Variants in TSPAN5 observed in about 807,000 individuals in gnomAD.
TSPAN5 encodes the protein tetraspanin 5, also known as tetraspanin-5.
TSPAN5 carries 10 observed loss-of-function variants against 37.1 expected under a neutral mutation model. That is an observed-to-expected ratio of 0.27 (90% confidence interval 0.17 to 0.46). The LOEUF is 0.46. Ranked by LOEUF, TSPAN5 falls within the 20% of genes least tolerant of loss-of-function variation. TSPAN5 has a pLI of 1.00. For missense variants in TSPAN5, 195 were observed against 326.6 expected, an observed-to-expected ratio of 0.60 and a Z score of 3.11; for synonymous variants, 110 against 118.9, an observed-to-expected ratio of 0.93 and a Z score of 0.48.
At chr4:98,487,170 G>A (rs559015490) in intron 2 of TSPAN5, among the ~76,000 whole-genome samples, 3 of 150,372 alleles carry the variant, frequency 2.0e-5, no homozygotes, top group African/African-American at 7.3e-5. Context: ...TGGAGGGAAG[G>A]AGGGAGGGAA....
At chr4:98,523,578 G>T (rs867094624) in intron 1 of TSPAN5, among the ~76,000 whole-genome samples, 2 of 152,196 alleles carry the variant, frequency 1.3e-5, no homozygotes, top group Middle Eastern at 6.8e-3. Context: ...GGGATTACAG[G>T]TGTGCACCAC....
chr4:98,551,192 A>G (rs1754606619), intron 1 of TSPAN5, among the ~76,000 whole-genome samples: 1 of 152,134 alleles, frequency 6.6e-6, no homozygotes, highest in African/African-American at 2.4e-5. Flanking sequence ...CTTCATTTGC[A>G]CATGTTGAAT....
intron 1 of TSPAN5, among the ~76,000 whole-genome samples, chr4:98,632,305 T>C (rs1043897757): frequency 6.6e-6 from 1 of 152,036 alleles, no homozygotes; most frequent in Non-Finnish European, 1.5e-5. Context: ...GAAGATAAAT[T>C]ATCTTCAGCC....
At chr4:98,607,542 T>A (rs1454192962) in intron 1 of TSPAN5, among the ~76,000 whole-genome samples, 12 of 152,192 alleles carry the variant, frequency 7.9e-5, no homozygotes. Flanking sequence ...GCCTAAGTTA[T>A]TTGGCATGAT....
At chr4:98,632,623 C>T (rs979692801) in intron 1 of TSPAN5, among the ~76,000 whole-genome samples, 1 of 152,184 alleles carries the variant, frequency 6.6e-6, no homozygotes, top group African/African-American at 2.4e-5. Flanking sequence ...ATTAAAAGGA[C>T]AGCCACTTCC....
chr4:98,586,482 G>C (rs1239607294), intron 1 of TSPAN5, among the ~76,000 whole-genome samples: 1 of 152,142 alleles, frequency 6.6e-6, no homozygotes, highest in Non-Finnish European at 1.5e-5. Context: ...AATAGGTCTA[G>C]CACATTTAAT....
At chr4:98,570,027 C>T (rs1755086164) in intron 1 of TSPAN5, among the ~76,000 whole-genome samples, 1 of 151,944 alleles carries the variant, frequency 6.6e-6, no homozygotes, top group South Asian at 2.1e-4. Context: ...GCACAGAGTC[C>T]AAAGGGAACA....
At chr4:98,591,119 CA>C (rs1458702559) in intron 1 of TSPAN5, among the ~76,000 whole-genome samples, 1 of 146,180 alleles carries the variant, frequency 6.8e-6, no homozygotes, top group Non-Finnish European at 1.5e-5. Context: ...TATTTACAGA[CA>C]TATTTTTTTT....
chr4:98,493,104 G>A (rs1218545106), intron 2 of TSPAN5, among the ~76,000 whole-genome samples: 3 of 152,150 alleles, frequency 2.0e-5, no homozygotes, highest in Non-Finnish European at 4.4e-5. Flanking sequence ...TTGAGCCCAC[G>A]AGTTGGAGGC....
intron 1 of TSPAN5, among the ~76,000 whole-genome samples, chr4:98,578,211 G>C (rs1755287128): frequency 6.6e-6 from 1 of 152,130 alleles, no homozygotes; most frequent in Non-Finnish European, 1.5e-5. Context: ...ACATGAACTT[G>C]CAACATGAAC....
chr4:98,614,459 T>A (rs1184965613), intron 1 of TSPAN5, among the ~76,000 whole-genome samples: 1 of 152,094 alleles, frequency 6.6e-6, no homozygotes, highest in Non-Finnish European at 1.5e-5. Context: ...TGTGAAACCC[T>A]AGGCCCAGCC....
Position 98,577,801 on chromosome 4 carries a change from A to C in TSPAN5, c.82-70073T>G, listed in dbSNP as rs151274837. ...TGTGAGTGACTTTACCTCTCTAGAA[A>C]TGGAGATACCCATAATACTAATCCT... On this transcript the variant is annotated intron_variant, in intron 1 of 7. Coordinates refer to ENST00000305798, the MANE Select transcript of TSPAN5 (RefSeq NM_005723.4). Among the ~76,000 whole-genome samples the C allele has an allele frequency of 5.9e-3, 896 of 152,314 alleles. 5 individuals are homozygous for C. The highest frequency in any genetic ancestry group is 0.03 in the South Asian group (147 of 4,822).
In TSPAN5 at chr4:98,616,868, A is replaced by AT. The variant is rs59868555; in HGVS notation, c.81+41277dup. ...CTAGATATTGAGAAGCTCCACGTAAATTTTTTTTTTTTTGGAAACAGAGTC... is the reference window on the plus strand; with the variant it reads ...CTAGATATTGAGAAGCTCCACGTAAATTTTTTTTTTTTTTGGAAACAGAGTC... On this transcript the variant is annotated intron_variant, in intron 1 of 7. Coordinates refer to ENST00000305798, the MANE Select transcript of TSPAN5 (RefSeq NM_005723.4). Among the ~76,000 whole-genome samples, 193 of 144,266 alleles carry AT rather than the reference A, an allele frequency of 1.3e-3. 2 individuals are homozygous for AT. Among genetic ancestry groups the AT allele is most frequent in the Middle Eastern group, 3.6e-3 (1 of 278 alleles). 94.6% of individuals were successfully genotyped at this position (144,266 alleles called of 152,430 possible).
chr4:98,655,362 A>C (rs1757274698), intron 1 of TSPAN5, among the ~76,000 whole-genome samples: 1 of 152,146 alleles, frequency 6.6e-6, no homozygotes, highest in African/African-American at 2.4e-5. Flanking sequence ...GAACTCAAGA[A>C]ACTCATTCTG....
chr4:98,592,958 T>G (rs1471460512), intron 1 of TSPAN5, among the ~76,000 whole-genome samples: 2,066 of 123,118 alleles, frequency 0.017, 64 homozygotes, highest in African/African-American at 0.062. Context: ...TACCCAGTAA[T>G]GGGATGGCTG....
At chr4:98,492,567 A>G (rs1332265351) in intron 2 of TSPAN5, among the ~76,000 whole-genome samples, 1 of 152,166 alleles carries the variant, frequency 6.6e-6, no homozygotes, top group Admixed American at 6.5e-5. Flanking sequence ...GCACACACAG[A>G]CATGCACATA....
intron 1 of TSPAN5, among the ~76,000 whole-genome samples, chr4:98,614,184 A>G (rs1440575383): frequency 6.6e-6 from 1 of 152,228 alleles, no homozygotes; most frequent in Non-Finnish European, 1.5e-5. Flanking sequence ...TCTGTAGTTT[A>G]TAAGTGTAGA....
chr4:98,613,123 T>C (rs1167344753), intron 1 of TSPAN5, among the ~76,000 whole-genome samples: 3 of 144,642 alleles, frequency 2.1e-5, no homozygotes, highest in Non-Finnish European at 3.0e-5. Context: ...CACATCTGGG[T>C]TGAGGGCAAA....
At chr4:98,612,925 T>A (rs1011857614) in intron 1 of TSPAN5, among the ~76,000 whole-genome samples, 10 of 152,208 alleles carry the variant, frequency 6.6e-5, no homozygotes, top group Admixed American at 4.6e-4. Flanking sequence ...TTTCTGCCAG[T>A]CTCTTACCCC....
Sources: gnomAD v4.1 joint callset for allele counts (sites outside exome capture counted in the v4.1 genomes callset) on GRCh38, gnomAD v4.1.1 for gene constraint, MANE v1.5 for transcripts, NCBI Gene and HGNC (gene_info 2026-07-23, HGNC 2026-07-21) for gene names.